The following SPIRE2 variants were observed in gnomAD, a reference collection of about 807,000 sequenced individuals.
SPIRE2 encodes the protein spire type actin nucleation factor 2.
A neutral mutation model predicts 80.7 loss-of-function variants in SPIRE2; 76 were observed. The ratio of observed to expected loss-of-function variants is 0.94; its 90% CI spans 0.78 to 1.14. The LOEUF (loss-of-function observed/expected upper bound fraction) is 1.14, where lower values mean the gene tolerates loss of function less well. SPIRE2 is among the 50% of genes most tolerant of loss of function. The probability of loss-of-function intolerance (pLI) is 0.00; values close to 1 mark genes in which losing one functional copy is unlikely to be tolerated. For missense variants in SPIRE2, 1,196 were observed against 1,015.3 expected, an observed-to-expected ratio of 1.18 and a Z score of -2.42; for synonymous variants, 535 against 432.6, an observed-to-expected ratio of 1.24 and a Z score of -2.94.
At position 89,863,596 on chromosome 16, in the gene SPIRE2, C is replaced by T. The variant is rs1008143569; in HGVS notation, c.1696C>T (p.Leu566=). The change falls in exon 11 of 15, where the codon CTG becomes TTG. Residue 566 remains leucine (L), a synonymous_variant. Transcript: ENST00000378247. The surrounding 1 kb of genome is among the most constrained non-coding windows in gnomAD (Gnocchi z 4.3). ...FLQNKELFSS[L]KKGKICCCCR... is the part of the protein sequence containing the mutation. ...GCAGAACAAGGAGCTCTTCAGCAGT[C>T]TGAAGAAGGGGAAGGTGAGGCTGCC... 6.2e-6 allele frequency: 10 copies of T among 1,613,998 alleles called. No individual in the cohort carries two copies. The African/African-American group carries it at 8.0e-5, about 13-fold the overall frequency.
Position 89,828,728 on chromosome 16 carries a change from C to A in SPIRE2, c.178C>A (p.Arg60=), listed in dbSNP as rs1369956266. The A allele has an allele frequency of 4.0e-6, 5 of 1,243,344 alleles. No homozygotes were observed. Among genetic ancestry groups the A allele is most frequent in the Non-Finnish European group, 5.0e-6 (5 of 990,258 alleles). The allele number at this position is 1,243,344 out of a possible 1,614,324, so 77.0% of individuals were successfully genotyped here. Residue 60 remains arginine (R), a synonymous_variant, in exon 1 of 15, where the codon CGG becomes AGG. Transcript: ENST00000378247. The surrounding 1 kb of genome is among the most constrained non-coding windows in gnomAD (Gnocchi z 5.9). The part of the protein sequence containing the change: ...GLRGSPGRRL[R]DTGDLLLRGD... The stretch of plus-strand genomic sequence containing the variant: ...GCGGGGCTCGCCGGGCCGGCGCCTG[C>A]GGGATACCGGGGACCTCCTGCTGCG...
chr16:89,859,785 G>A lies in SPIRE2; in HGVS notation c.1462+431G>A, dbSNP rs141358298. On this transcript the variant is annotated intron_variant, in intron 9 of 14. Coordinates refer to ENST00000378247, the MANE Select transcript of SPIRE2 (RefSeq NM_032451.2). The stretch of plus-strand genomic sequence containing the variant: ...CTTTTCGCGCTGCTGAGCACAGAAC[G>A]ATTCTTGCTGGCTGTGCAGGGCTGG... Among the ~76,000 whole-genome samples, 279 of 152,212 alleles carry A rather than the reference G, an allele frequency of 1.8e-3. 1 individual carries two copies. The highest frequency in any genetic ancestry group is 5.5e-3 in the African/African-American group (230 of 41,526).
rs768092846 is a variant in SPIRE2, at chr16:89,854,270, G to A, written c.646-16G>A. ...TCTCGTACCTCCCCTGGACTGACGA[G>A]CACGTGTGGTCACAGATGCTGCAGA... is the stretch of plus-strand genomic sequence containing the variant. On this transcript the variant is annotated splice_polypyrimidine_tract_variant and intron_variant, in intron 3 of 14. Transcript: ENST00000378247. 4.3e-6 allele frequency: 7 copies of A among 1,610,368 alleles called. No individual in the cohort carries two copies. The highest frequency in any genetic ancestry group is 5.1e-6 in the Non-Finnish European group (6 of 1,178,886).
At chr16:89,866,599 A>G (rs72813426) in intron 12 of SPIRE2, among the ~76,000 whole-genome samples, 46,892 of 148,788 alleles carry the variant, frequency 0.32, 8,531 homozygotes, top group East Asian at 0.88. Flanking sequence ...CCAGCCTTGA[A>G]TTTTTTTTTT....
rs2041827109 is a variant in SPIRE2, at chr16:89,870,148, G to C, written c.2021G>C (p.Ser674Thr). ...VLKDVCSECT[S>T]FVADVVRSSR... The stretch of plus-strand genomic sequence containing the variant: ...AAGGATGTCTGCAGTGAGTGCACCA[G>C]CTTTGTGGCAGACGTGGTGCGTTCC... The change falls in exon 15 of 15, where the codon AGC becomes ACC. Residue 674 changes from serine to threonine, a missense_variant. Transcript: ENST00000378247. 2 of 1,612,700 alleles carry C rather than the reference G, an allele frequency of 1.2e-6. No homozygotes were observed. Among genetic ancestry groups the C allele is most frequent in the South Asian group, 1.1e-5 (1 of 90,756 alleles).
At chr16:89,833,636 G>T (rs1044012628) in intron 1 of SPIRE2, among the ~76,000 whole-genome samples, 2 of 152,224 alleles carry the variant, frequency 1.3e-5, no homozygotes, top group Admixed American at 6.5e-5. Context: ...AATGGGAGGT[G>T]CAGCGTGGTG....
At chr16:89,850,877 C>T (rs1391761989) in intron 3 of SPIRE2, among the ~76,000 whole-genome samples, 3 of 152,030 alleles carry the variant, frequency 2.0e-5, no homozygotes, top group Non-Finnish European at 4.4e-5. Flanking sequence ...ACTCTGTCAC[C>T]CAGGCTGGAG....
chr16:89,861,053 G>A (rs550437522), intron 10 of SPIRE2, among the ~76,000 whole-genome samples: 2 of 152,284 alleles, frequency 1.3e-5, no homozygotes, highest in East Asian at 3.9e-4. Flanking sequence ...CTAATTGAAG[G>A]GTTCAGTGTG....
intron 12 of SPIRE2, among the ~76,000 whole-genome samples, chr16:89,866,580 C>T (rs564767197): frequency 2.0e-5 from 3 of 151,962 alleles, no homozygotes; most frequent in Admixed American, 1.3e-4. Context: ...CAGCGGTGAG[C>T]CACCACGCCC....
At chr16:89,844,827 C>G (rs1042414500) in intron 1 of SPIRE2, among the ~76,000 whole-genome samples, 8 of 152,320 alleles carry the variant, frequency 5.3e-5, no homozygotes, top group African/African-American at 1.9e-4. Context: ...TAGCAGCTCT[C>G]CCACCTCGGC....
chr16:89,860,897 C>G, intron 10 of SPIRE2, 102 bp downstream of exon 10: 1 of 708,290 alleles, frequency 1.4e-6, no homozygotes, highest in Non-Finnish European at 2.2e-6. Flanking sequence ...GAGCACCTGT[C>G]TGGGGGGTGT....
intron 1 of SPIRE2, among the ~76,000 whole-genome samples, chr16:89,832,161 C>T (rs552911019): frequency 2.6e-5 from 4 of 152,238 alleles, no homozygotes; most frequent in Admixed American, 1.3e-4. Context: ...CCCATGGTTA[C>T]GGCCCATGTG....
At chr16:89,857,392 T>C (rs1267451069) in intron 7 of SPIRE2, among the ~76,000 whole-genome samples, 1 of 152,022 alleles carries the variant, frequency 6.6e-6, no homozygotes, top group Non-Finnish European at 1.5e-5. Context: ...TGCCTCAGCT[T>C]CCCGAAGTGC....
At chr16:89,850,235 C>A (rs927966712) in intron 2 of SPIRE2, 69 bp from the exon 3 acceptor site, 9 of 1,393,762 alleles carry the variant, frequency 6.5e-6, no homozygotes, top group Non-Finnish European at 7.9e-6. Context: ...CCCTCTGCAC[C>A]CACCAGCCGC....
At chr16:89,836,003 C>T (rs190337606) in intron 1 of SPIRE2, among the ~76,000 whole-genome samples, 84 of 152,116 alleles carry the variant, frequency 5.5e-4, no homozygotes, top group Non-Finnish European at 1.1e-3. Flanking sequence ...GGTGAAACCC[C>T]GTCTCTACTA....
At chr16:89,844,150 T>A (rs1382040818) in intron 1 of SPIRE2, among the ~76,000 whole-genome samples, 1 of 150,912 alleles carries the variant, frequency 6.6e-6, no homozygotes, top group Admixed American at 6.6e-5. Flanking sequence ...CCTGGCTAAT[T>A]TTTTTATTTT....
In SPIRE2 at chr16:89,871,107, C is replaced by G. The variant is rs1199767064; in HGVS notation, c.*835C>G. 1 of 151,248 alleles carries G rather than the reference C, an allele frequency of 6.6e-6. No individual in the cohort carries two copies. The highest frequency in any genetic ancestry group is 2.5e-5 in the African/African-American group (1 of 40,452). The allele number at this position is 151,248 out of a possible 1,614,324, so 9.4% of individuals were successfully genotyped here. On this transcript the variant is annotated 3_prime_UTR_variant, in exon 15 of 15. Transcript: ENST00000378247. ...TCTCGAAAAAAAAAAAGGTCCGTGC[C>G]AAGCTGCTCCCTGCCCTTGCCCTTT... is the stretch of plus-strand genomic sequence containing the variant.
At chr16:89,836,902 G>C (rs1254134480) in intron 1 of SPIRE2, among the ~76,000 whole-genome samples, 1 of 152,158 alleles carries the variant, frequency 6.6e-6, no homozygotes, top group Non-Finnish European at 1.5e-5. Flanking sequence ...GGATGAGGCA[G>C]GAGAATCGCT....
rs757371405 is a variant in SPIRE2 at position 89,841,183 on chromosome 16, C to CA, written c.245-4124dup. Among the ~76,000 whole-genome samples, 1,101 of 111,924 alleles carry CA rather than the reference C, an allele frequency of 9.8e-3. 8 individuals are homozygous for CA. The highest frequency in any genetic ancestry group is 0.028 in the African/African-American group (841 of 30,192). 73.4% of individuals were successfully genotyped at this position (111,924 alleles called of 152,430 possible). ...TGGGTGACAGAGCAACACCTTGTTTCAAAAAAAAAAAAAAAGGAAAAAGAA... is the reference window on the plus strand; with the variant it reads ...TGGGTGACAGAGCAACACCTTGTTTCAAAAAAAAAAAAAAAAGGAAAAAGAA... On this transcript the variant is annotated intron_variant, in intron 1 of 14. Transcript: ENST00000378247.
Sources: allele counts gnomAD v4.1 joint callset (sites outside exome capture counted in the v4.1 genomes callset), GRCh38; gene constraint gnomAD v4.1.1; non-coding constraint Gnocchi (gnomAD v3.1); transcripts MANE v1.5; gene names NCBI Gene and HGNC (gene_info 2026-07-23, HGNC 2026-07-21).